HELLS: variants seen among roughly 807,000 people sequenced by gnomAD.
The protein encoded by HELLS is helicase, lymphoid specific, also known as lymphoid-specific helicase.
Under a neutral mutation model 120.0 loss-of-function variants are expected in HELLS, and 32 were observed. The ratio of observed to expected loss-of-function variants is 0.27; its 90% CI spans 0.20 to 0.36. The LOEUF (loss-of-function observed/expected upper bound fraction) is 0.36. Among genes scored for constraint, HELLS ranks in the 10% least tolerant of loss-of-function variants. The pLI, the probability that HELLS is intolerant of heterozygous loss-of-function variation, is 1.00. For synonymous variants in HELLS, 341 were observed against 323.4 expected (o/e 1.05, Z -0.58); for missense variants, 650 against 993.4 (o/e 0.65, Z 4.65).
At chr10:94,608,046 C>T (rs1379931706) in intron 9 of HELLS, 1 of 214,756 alleles carries the variant, frequency 4.7e-6, no homozygotes, top group Non-Finnish European at 1.0e-5. Flanking sequence ...TATAAGAAGC[C>T]TACAAAGCCC....
chr10:94,557,125 A>C (rs1843309979), intron 3 of HELLS: 1 of 358,326 alleles, frequency 2.8e-6, no homozygotes, highest in African/African-American at 2.2e-5. Flanking sequence ...TTCCCATTGC[A>C]CTTTTCATCT....
At chr10:94,555,146 A>T (rs534992460) in intron 3 of HELLS, among the ~76,000 whole-genome samples, 5 of 152,066 alleles carry the variant, frequency 3.3e-5, no homozygotes, top group Non-Finnish European at 5.9e-5. Flanking sequence ...CTGTCTCAAA[A>T]ATAAAACAGG....
At chr10:94,610,491 A>G (rs1352085937) in exon 10 of HELLS, 8 of 152,116 alleles carry the variant, frequency 5.3e-5, no homozygotes, top group African/African-American at 1.7e-4. Context: ...GAAATTCCCT[A>G]TACCTGTATG....
chr10:94,591,259 A>G (rs535477069), intron 15 of HELLS, among the ~76,000 whole-genome samples: 14 of 152,258 alleles, frequency 9.2e-5, no homozygotes, highest in African/African-American at 3.4e-4. Flanking sequence ...TCTTTTCACT[A>G]TTTCTTTTAT....
chr10:94,600,869 GAGATA>G (rs371031963), intron 21 of HELLS, among the ~76,000 whole-genome samples: 9 of 152,184 alleles, frequency 5.9e-5, no homozygotes, highest in African/African-American at 2.2e-4. Context: ...ACACCATAAA[GAGATA>G]AGAGACAAAC....
chr10:94,562,032 C>T (rs891706467), intron 4 of HELLS, among the ~76,000 whole-genome samples: 3 of 151,140 alleles, frequency 2.0e-5, no homozygotes, highest in South Asian at 2.1e-4. Flanking sequence ...CTGCCCGCCT[C>T]TGCCTCCCAA....
chr10:94,590,517 G>T lies in HELLS; in HGVS notation c.1593G>T (p.Leu531=). ...ATTTCCCTAATGAATTGGAAAAACT[G>T]ATCAGTCAAATACAGCCAGAGGTGG... is the stretch of plus-strand genomic sequence containing the variant. The part of the protein sequence containing the change: ...IDDFPNELEK[L]ISQIQPEVDR... The change falls in exon 14 of 22, where the codon CTG becomes CTT. Residue 531 remains leucine, a synonymous_variant. Coordinates refer to ENST00000348459, the MANE Select transcript of HELLS (RefSeq NM_018063.5). The T allele has an allele frequency of 6.2e-7, 1 of 1,611,042 alleles. No homozygotes were observed. The highest frequency in any genetic ancestry group is 1.3e-5 in the African/African-American group (1 of 74,862).
At position 94,588,407 on chromosome 10, in the gene HELLS, A is replaced by G; in HGVS notation, c.1488+17A>G. 1.3e-6 allele frequency: 2 copies of G among 1,513,462 alleles called. No individual in the cohort carries two copies. Among genetic ancestry groups the G allele is most frequent in the Non-Finnish European group, 8.9e-7 (1 of 1,126,964 alleles). The allele number at this position is 1,513,462 out of a possible 1,614,324, so 93.8% of individuals were successfully genotyped here. A position where few individuals can be genotyped will look rare whatever the true frequency, so the allele number is the denominator to read the frequency against. ...TCCAGTGAGGTATAGTGGTTTTGAAATGTACTGTAAATGAAACTTGACATA... is the reference window on the plus strand; with the variant it reads ...TCCAGTGAGGTATAGTGGTTTTGAAGTGTACTGTAAATGAAACTTGACATA... On this transcript the variant is annotated intron_variant, in intron 13 of 21. Coordinates refer to ENST00000348459, the MANE Select transcript of HELLS (RefSeq NM_018063.5).
At chr10:94,611,729 G>A (rs535326472) in exon 10 of HELLS, 2 of 152,230 alleles carry the variant, frequency 1.3e-5, no homozygotes, top group African/African-American at 4.8e-5. Context: ...AATTTTAAGT[G>A]AAGAGAACAA....
chr10:94,586,938 G>C (rs1324209930), intron 12 of HELLS, among the ~76,000 whole-genome samples: 1 of 151,988 alleles, frequency 6.6e-6, no homozygotes, highest in Non-Finnish European at 1.5e-5. Flanking sequence ...CAGGTGATCT[G>C]CTCGCCTCGG....
rs559271075 is a variant in HELLS, at chr10:94,562,635, G to T, written c.334-56G>T. 7.4e-6 allele frequency: 9 copies of T among 1,221,340 alleles called. No individual in the cohort carries two copies. In the South Asian group the frequency reaches 1.1e-4, roughly 14 times the overall value. 75.7% of individuals were successfully genotyped at this position (1,221,340 alleles called of 1,614,324 possible). A position where few individuals can be genotyped will look rare whatever the true frequency, so the allele number is the denominator to read the frequency against. On this transcript the variant is annotated intron_variant, in intron 4 of 21. Coordinates refer to ENST00000348459, the MANE Select transcript of HELLS (RefSeq NM_018063.5). ...CTCAAGTTAATCAGTGCCTTTTAAC[G>T]TATAATACTATGAAGGTCCTTAATA...
At position 94,608,483 on chromosome 10, in the gene HELLS, AAT is replaced by A. The variant is rs547656457; in HGVS notation, c.*1+462_*1+463del. Reference sequence around the variant, plus strand: ...AGGTATTTTAGGACATTTTTAAAATAATATATGAGTGGTTGTCATGCTAAATA... The same window carrying A: ...AGGTATTTTAGGACATTTTTAAAATAATATGAGTGGTTGTCATGCTAAATA... On this transcript the variant is annotated intron_variant, in intron 9 of 9. Transcript: ENST00000371327. 3.2e-3 allele frequency among the ~76,000 whole-genome samples: 480 copies of A among 152,318 alleles called. 1 individual carries two copies. Among genetic ancestry groups the A allele is most frequent in the African/African-American group, 0.011 (450 of 41,568 alleles).
Position 94,596,862 on chromosome 10 carries a change from C to G in HELLS, c.2251C>G (p.His751Asp), listed in dbSNP as rs1434721421. 7.1e-7 allele frequency: 1 copy of G among 1,401,500 alleles called. No individual in the cohort carries two copies. The highest frequency in any genetic ancestry group is 1.0e-6 in the Non-Finnish European group (1 of 1,001,794). 86.8% of individuals were successfully genotyped at this position (1,401,500 alleles called of 1,614,324 possible). The change falls in exon 20 of 22, where the codon CAT becomes GAT. Residue 751 changes from histidine (H) to aspartate (D), a missense_variant and splice_region_variant. By Grantham distance (81) the His-to-Asp change is moderately conservative (BLOSUM62 -1). Coordinates refer to ENST00000348459, the MANE Select transcript of HELLS (RefSeq NM_018063.5). Reference sequence around the variant, plus strand: ...TTTTAATTTCTCATTTTTTTTAGATCATTTCAAAGGTGGTCAGTCTGGATT... The same window carrying G: ...TTTTAATTTCTCATTTTTTTTAGATGATTTCAAAGGTGGTCAGTCTGGATT... ...KLEKLIIHKNHFKGGQSGLNL... is the reference protein window; with the variant it reads ...KLEKLIIHKNDFKGGQSGLNL...
At chr10:94,554,097 A>G (rs751295310) in intron 2 of HELLS, 29 bp from the exon 3 acceptor site, 2 of 1,539,216 alleles carry the variant, frequency 1.3e-6, no homozygotes, top group South Asian at 1.3e-5. Context: ...GAAAGTGTTC[A>G]TAATTATGGA....
chr10:94,578,542 CTACAAAAA>C (rs1037527386), intron 10 of HELLS, among the ~76,000 whole-genome samples: 3 of 151,964 alleles, frequency 2.0e-5, no homozygotes, highest in Non-Finnish European at 4.4e-5. Flanking sequence ...AACCACATCT[CTACAAAAA>C]TACAAAAATT....
At chr10:94,554,018 G>T in intron 2 of HELLS, 108 bp from the exon 3 acceptor site, 8 of 1,000,482 alleles carry the variant, frequency 8.0e-6, no homozygotes, top group Non-Finnish European at 1.0e-5. Flanking sequence ...GTTTGAAAGT[G>T]TTTGGTTTAA....
chr10:94,553,077 C>T (rs1469895514), intron 2 of HELLS, among the ~76,000 whole-genome samples: 1 of 152,072 alleles, frequency 6.6e-6, no homozygotes, highest in Non-Finnish European at 1.5e-5. Context: ...GTTTATTAAT[C>T]TCAAATAGGG....
At chr10:94,546,238 G>A in intron 1 of HELLS, 139 bp from the exon 2 acceptor site, 2 of 997,028 alleles carry the variant, frequency 2.0e-6, no homozygotes, top group Non-Finnish European at 3.0e-6. Context: ...GGTGTCTTCT[G>A]AGAGGTGATG....
chr10:94,568,544 T>TTTCTTAATTGA (rs1318017045), intron 6 of HELLS, among the ~76,000 whole-genome samples: 2 of 152,150 alleles, frequency 1.3e-5, no homozygotes, highest in East Asian at 3.9e-4. Context: ...TTTATAGTAG[T>TTTCTTAATTGA]TTCTTAATTG....
Sources: gnomAD v4.1 joint callset for allele counts (sites outside exome capture counted in the v4.1 genomes callset) on GRCh38, gnomAD v4.1.1 for gene constraint, MANE v1.5 for transcripts, NCBI Gene and HGNC (gene_info 2026-07-23, HGNC 2026-07-21) for gene names.